The following TMEM245 variants were observed in gnomAD, a reference collection of about 807,000 sequenced individuals.
The protein encoded by TMEM245 is protein CG-2.
Under a neutral mutation model 101.2 loss-of-function variants are expected in TMEM245, and 69 were observed. That is an observed-to-expected ratio of 0.68 (90% CI 0.56 to 0.83). The LOEUF (loss-of-function observed/expected upper bound fraction) is 0.83. Among genes scored for constraint, TMEM245 ranks in the 40% least tolerant of loss-of-function variants. The pLI is 0.00. For missense variants in TMEM245, 1,075 were observed against 1,092.8 expected, an observed-to-expected ratio of 0.98 and a Z score of 0.23; for synonymous variants, 537 against 449.8, an observed-to-expected ratio of 1.19 and a Z score of -2.45.
Position 109,090,905 on chromosome 9 carries a change from C to T in TMEM245, c.1150+17G>A. 1 of 1,611,112 alleles carries T rather than the reference C, an allele frequency of 6.2e-7. No individual in the cohort carries two copies. The highest frequency in any genetic ancestry group is 8.5e-7 in the Non-Finnish European group (1 of 1,177,470). ...TCTTCAAAGACAAGACGAGATCGTA[C>T]TTAACCAGATAACGACCTGCAATCG... is the stretch of plus-strand genomic sequence containing the variant. On this transcript the variant is annotated intron_variant, in intron 5 of 17. Coordinates refer to ENST00000374586, the MANE Select transcript of TMEM245 (RefSeq NM_032012.4).
intron 10 of TMEM245, among the ~76,000 whole-genome samples, chr9:109,063,156 G>A (rs189194886): frequency 3.3e-5 from 5 of 151,796 alleles, no homozygotes; most frequent in South Asian, 2.1e-4. Flanking sequence ...GAGTTTCTCC[G>A]TCTCTGAGAG....
rs1048733149 is a variant in TMEM245, at chr9:109,018,734, C to G, written c.*1726G>C. On this transcript the variant is annotated 3_prime_UTR_variant, in exon 18 of 18. Transcript: ENST00000374586. ...TCTTCAACGCTTAAGAACTACCCCC[C>G]AACACTTTTTTTTTTCCTTGGGACA... The G allele has an allele frequency of 1.2e-4, 18 of 150,606 alleles. No homozygotes were observed. Among genetic ancestry groups the G allele is most frequent in the Non-Finnish European group, 7.4e-5 (5 of 67,702 alleles). The allele number at this position is 150,606 out of a possible 1,614,324, so 9.3% of individuals were successfully genotyped here.
At chr9:109,056,994 A>G (rs1414243331) in intron 12 of TMEM245, among the ~76,000 whole-genome samples, 197 bp downstream of exon 12, 3 of 152,204 alleles carry the variant, frequency 2.0e-5, no homozygotes, top group Admixed American at 6.5e-5. Flanking sequence ...CTACAACCAC[A>G]GGGGAAATAC....
At chr9:109,034,150 A>G (rs936423462) in intron 16 of TMEM245, among the ~76,000 whole-genome samples, 1 of 152,232 alleles carries the variant, frequency 6.6e-6, no homozygotes, top group African/African-American at 2.4e-5. Context: ...CACATTGATA[A>G]TGACAAGAAA....
At position 109,050,640 on chromosome 9, in the gene TMEM245, G is replaced by T. The variant is rs1013183411; in HGVS notation, c.1907C>A (p.Thr636Asn). The T allele has an allele frequency of 6.2e-7, 1 of 1,613,332 alleles. No homozygotes were observed. The highest frequency in any genetic ancestry group is 8.5e-7 in the Non-Finnish European group (1 of 1,179,916). ...GATGGTCAAGAGTGTAGTGACAGTG[G>T]TGAACAGCAGGCTCACATTCCGGCT... Reference protein sequence around the residue: ...VMSRNVSLLFTTVTTLLTILF... With the variant: ...VMSRNVSLLFNTVTTLLTILF... The change falls in exon 13 of 18, where the codon ACC (threonine) becomes AAC (asparagine). Residue 636 changes from threonine to asparagine, a missense_variant. Thr to Asn is a moderately conservative substitution (Grantham distance 65, BLOSUM62 0). Around this residue, in one of 2 missense-constraint regions of TMEM245, gnomAD observed 267 missense variants for 351.3 expected, o/e 0.76. Transcript: ENST00000374586.
chr9:109,031,469 T>C (rs1755034724), intron 17 of TMEM245, among the ~76,000 whole-genome samples: 1 of 152,132 alleles, frequency 6.6e-6, no homozygotes, highest in Admixed American at 6.5e-5. Context: ...ACAATATGAA[T>C]GAATCACACA....
intron 14 of TMEM245, among the ~76,000 whole-genome samples, chr9:109,041,896 C>T (rs915167199): frequency 6.6e-6 from 1 of 151,916 alleles, no homozygotes; most frequent in Non-Finnish European, 1.5e-5. Context: ...TGTCAGAGGC[C>T]GAAGCAGGTG....
chr9:109,113,605 T>C (rs1830630867), intron 1 of TMEM245, among the ~76,000 whole-genome samples: 1 of 152,240 alleles, frequency 6.6e-6, no homozygotes, highest in South Asian at 2.1e-4. Flanking sequence ...TTTCCTTTCA[T>C]TTCACACGAT....
intron 14 of TMEM245, among the ~76,000 whole-genome samples, chr9:109,043,411 T>C (rs942976345): frequency 5.3e-5 from 8 of 152,188 alleles, no homozygotes; most frequent in African/African-American, 1.7e-4. Flanking sequence ...ACTGCAGAAA[T>C]TGACAGAACA....
At chr9:109,037,907 C>G in intron 15 of TMEM245, 110 bp downstream of exon 15, 1 of 808,996 alleles carries the variant, frequency 1.2e-6, no homozygotes, top group African/African-American at 1.8e-5. Flanking sequence ...GATCTCAAGC[C>G]AAAAAATTTA....
intron 17 of TMEM245, among the ~76,000 whole-genome samples, chr9:109,023,283 T>A (rs1827687591): frequency 6.6e-6 from 1 of 152,182 alleles, no homozygotes; most frequent in Non-Finnish European, 1.5e-5. Context: ...AAACCTCTAA[T>A]TATCTCCAGG....
chr9:109,023,515 T>A (rs1446350825), intron 17 of TMEM245, among the ~76,000 whole-genome samples: 1 of 152,178 alleles, frequency 6.6e-6, no homozygotes, highest in Non-Finnish European at 1.5e-5. Context: ...CTGCAAGGAA[T>A]CACAGTATAG....
chr9:109,110,564 T>C (rs71499686), intron 1 of TMEM245, among the ~76,000 whole-genome samples: 12,841 of 83,544 alleles, frequency 0.15, 618 homozygotes, highest in Middle Eastern at 0.22. Context: ...TACAACTTGT[T>C]GAAATTAAAA....
At chr9:109,084,269 A>C (rs1829769482) in intron 7 of TMEM245, among the ~76,000 whole-genome samples, 1 of 152,170 alleles carries the variant, frequency 6.6e-6, no homozygotes, top group Admixed American at 6.5e-5. Flanking sequence ...GATGTAATGT[A>C]ATAAAATAGT....
intron 17 of TMEM245, among the ~76,000 whole-genome samples, chr9:109,030,360 T>C (rs72607161): frequency 0.23 from 34,566 of 152,160 alleles, 4,704 homozygotes; most frequent in Admixed American, 0.3. Context: ...CTTTTTCTAC[T>C]CTGCCACGCC....
intron 17 of TMEM245, among the ~76,000 whole-genome samples, chr9:109,032,774 T>C (rs1827999774): frequency 6.6e-6 from 1 of 151,766 alleles, no homozygotes; most frequent in African/African-American, 2.4e-5. Context: ...TTTTGGCTTT[T>C]CAAGACATTA....
At chr9:109,068,627 ACT>A (rs1829242079) in intron 9 of TMEM245, among the ~76,000 whole-genome samples, 2 of 152,236 alleles carry the variant, frequency 1.3e-5, no homozygotes, top group South Asian at 2.1e-4. Flanking sequence ...TTAGAGTGAG[ACT>A]CTGTGTCAAA....
At chr9:109,098,397 G>A (rs142162696) in intron 3 of TMEM245, among the ~76,000 whole-genome samples, 104 of 152,242 alleles carry the variant, frequency 6.8e-4, no homozygotes, top group Admixed American at 1.8e-3. Flanking sequence ...CATGAAAGGA[G>A]TAGCACACAG....
chr9:109,033,725 T>C (rs1828036920), intron 16 of TMEM245, among the ~76,000 whole-genome samples: 1 of 152,210 alleles, frequency 6.6e-6, no homozygotes, highest in Non-Finnish European at 1.5e-5. Context: ...CTGCCTCTTT[T>C]TATAGCTCCA....
Sources: gnomAD v4.1 joint callset for allele counts (sites outside exome capture counted in the v4.1 genomes callset) on GRCh38, gnomAD v4.1.1 for gene constraint, gnomAD v4.1.1 regional missense constraint, MANE v1.5 for transcripts, NCBI Gene and HGNC (gene_info 2026-07-23, HGNC 2026-07-21) for gene names.